Variants in KCNU1 observed in about 807,000 individuals in gnomAD.
The protein encoded by KCNU1 is potassium channel subfamily U member 1.
A neutral mutation model predicts 126.8 loss-of-function variants in KCNU1; 93 were observed. The ratio of observed to expected loss-of-function variants is 0.73; its 90% CI spans 0.62 to 0.87. The LOEUF (loss-of-function observed/expected upper bound fraction) is 0.87, where lower values mean the gene tolerates loss of function less well. Among genes scored for constraint, KCNU1 ranks in the 40% least tolerant of loss-of-function variants. KCNU1 has a pLI of 0.00. For missense variants in KCNU1, 1,330 were observed against 1,367.1 expected, an observed-to-expected ratio of 0.97 and a Z score of 0.43; for synonymous variants, 523 against 494.2, an observed-to-expected ratio of 1.06 and a Z score of -0.77.
chr8:36,813,922 C>A (rs1259104441), intron 7 of KCNU1, among the ~76,000 whole-genome samples: 3 of 152,046 alleles, frequency 2.0e-5, no homozygotes, highest in Non-Finnish European at 2.9e-5. Flanking sequence ...GAAAAGAGAG[C>A]CCAGAGGCAT....
In KCNU1 at chr8:36,910,966, A is replaced by G; in HGVS notation, c.2368A>G (p.Asn790Asp). The G allele has an allele frequency of 6.2e-7, 1 of 1,612,888 alleles. No homozygotes were observed. ...ALYSGDLHAA[N>D]IEQCSMCAVL... ...TTATTCTGGAGACCTCCATGCGGCC[A>G]ACATAGAGCAATGCTCCATGTGTGC... The change falls in exon 22 of 27, where the codon AAC becomes GAC. Residue 790 changes from asparagine to aspartate, a missense_variant. Asn to Asp is a conservative substitution (Grantham distance 23, BLOSUM62 1). Transcript: ENST00000399881.
chr8:36,914,298 C>G (rs764999258), intron 22 of KCNU1, among the ~76,000 whole-genome samples: 2 of 152,186 alleles, frequency 1.3e-5, no homozygotes, highest in African/African-American at 4.8e-5. Flanking sequence ...CTGAGGTCAC[C>G]TTATGATGGC....
chr8:36,922,753 A>T (rs1156833664), intron 24 of KCNU1, 124 bp downstream of exon 24: 2 of 1,011,440 alleles, frequency 2.0e-6, no homozygotes, highest in East Asian at 5.2e-5. Flanking sequence ...TTTCAAAAAC[A>T]AGCTTGTTCC....
At chr8:36,872,836 G>A (rs1020500393) in intron 19 of KCNU1, among the ~76,000 whole-genome samples, 1 of 152,120 alleles carries the variant, frequency 6.6e-6, no homozygotes, top group African/African-American at 2.4e-5. Flanking sequence ...TAACATCTTG[G>A]GCTGGGTGCA....
intron 25 of KCNU1, among the ~76,000 whole-genome samples, chr8:36,932,458 T>A (rs902400547): frequency 6.6e-6 from 1 of 152,114 alleles, no homozygotes; most frequent in East Asian, 1.9e-4. Context: ...TGTTGTCTAT[T>A]CATAATGATC....
chr8:36,918,009 T>C (rs1287708861), intron 22 of KCNU1, among the ~76,000 whole-genome samples: 1 of 152,140 alleles, frequency 6.6e-6, no homozygotes, highest in Non-Finnish European at 1.5e-5. Context: ...AGAGAATACC[T>C]GGAGCCAGCA....
At chr8:36,840,861 C>T (rs1433382142) in intron 15 of KCNU1, 71 bp from the exon 16 acceptor site, 18 of 1,043,556 alleles carry the variant, frequency 1.7e-5, no homozygotes, top group Non-Finnish European at 2.6e-5. Context: ...AGGCACAGAG[C>T]ACAGAGTGTT....
intron 10 of KCNU1, among the ~76,000 whole-genome samples, chr8:36,823,316 G>T (rs964553520): frequency 6.6e-6 from 1 of 152,072 alleles, no homozygotes; most frequent in Admixed American, 6.6e-5. Context: ...ACTGCTTTCA[G>T]TTCTTTCAGA....
At chr8:36,805,058 C>T (rs1237719187) in intron 3 of KCNU1, 137 bp from the exon 4 acceptor site, 2 of 590,206 alleles carry the variant, frequency 3.4e-6, no homozygotes, top group Non-Finnish European at 6.0e-6. Flanking sequence ...AAGTTAATTT[C>T]CTTGAGATCT....
intron 19 of KCNU1, among the ~76,000 whole-genome samples, chr8:36,886,860 C>T (rs1355255243): frequency 1.3e-5 from 2 of 152,058 alleles, no homozygotes; most frequent in African/African-American, 2.4e-5. Flanking sequence ...TTTGCATACC[C>T]ATAGCTTAGC....
intron 19 of KCNU1, among the ~76,000 whole-genome samples, chr8:36,866,663 T>A (rs1009557954): frequency 2.0e-5 from 3 of 152,122 alleles, no homozygotes; most frequent in African/African-American, 7.2e-5. Context: ...AGCCTGTACG[T>A]GCTAAGTAGG....
chr8:36,821,629 C>T (rs939305844), intron 10 of KCNU1, among the ~76,000 whole-genome samples: 9 of 152,072 alleles, frequency 5.9e-5, no homozygotes, highest in African/African-American at 2.2e-4. Context: ...TTCTTGTGGC[C>T]AGGATGCAGA....
intron 23 of KCNU1, among the ~76,000 whole-genome samples, chr8:36,919,443 A>C (rs185967486): frequency 1.3e-4 from 19 of 151,896 alleles, no homozygotes; most frequent in Non-Finnish European, 2.1e-4. Context: ...AAAAAAAAAA[A>C]AAACTCTCGA....
At position 36,796,783 on chromosome 8, in the gene KCNU1, G is replaced by A. The variant is rs150931437; in HGVS notation, c.316-7244G>A. On this transcript the variant is annotated intron_variant, in intron 2 of 26. Transcript: ENST00000399881. ...TTATTTCTTCTTAAGTATGTCTCTT[G>A]GAAGTGTCATATAGCTGGATTTTTG... Among the ~76,000 whole-genome samples, 649 of 152,070 alleles carry A rather than the reference G, an allele frequency of 4.3e-3. 6 individuals are homozygous for A. The highest frequency in any genetic ancestry group is 0.015 in the African/African-American group (611 of 41,474).
intron 1 of KCNU1, among the ~76,000 whole-genome samples, chr8:36,784,838 T>C (rs1802655428): frequency 6.6e-6 from 1 of 152,162 alleles, no homozygotes; most frequent in Admixed American, 6.5e-5. Context: ...CAATGTCTTG[T>C]ATGGATAATG....
At chr8:36,810,441 G>A (rs1301730368) in intron 7 of KCNU1, among the ~76,000 whole-genome samples, 1 of 152,092 alleles carries the variant, frequency 6.6e-6, no homozygotes. Context: ...AAGGAAGTAA[G>A]CACAGAAAAA....
At position 36,935,716 on chromosome 8, in the gene KCNU1, TGAGACA is replaced by T; in HGVS notation, c.3247_3252del (p.Glu1083_Thr1084del). ...GTCCTCCCACCATTGATTCAGTTAC[TGAGACA>T]TTGTATTCACCAGTCTATTCTTACC... On this transcript the variant is annotated inframe_deletion, in exon 27 of 27. Transcript: ENST00000399881. 1.2e-6 allele frequency: 2 copies of T among 1,613,062 alleles called. No individual in the cohort carries two copies.
intron 24 of KCNU1, among the ~76,000 whole-genome samples, 193 bp downstream of exon 24, chr8:36,922,822 T>C (rs1808406916): frequency 6.6e-6 from 1 of 152,166 alleles, no homozygotes; most frequent in Non-Finnish European, 1.5e-5. Context: ...ATTTTCACAT[T>C]TTCAAGATTA....
chr8:36,829,387 T>A (rs969655652), intron 10 of KCNU1, among the ~76,000 whole-genome samples: 5 of 151,878 alleles, frequency 3.3e-5, no homozygotes, highest in Non-Finnish European at 7.4e-5. Context: ...TTCCTACCAA[T>A]AATTTTAAAT....
Sources: gnomAD v4.1 joint callset for allele counts (sites outside exome capture counted in the v4.1 genomes callset) on GRCh38, gnomAD v4.1.1 for gene constraint, MANE v1.5 for transcripts, NCBI Gene and HGNC (gene_info 2026-07-23, HGNC 2026-07-21) for gene names.